TMEM132D: variants seen among roughly 807,000 people sequenced by gnomAD.
TMEM132D encodes the protein mature OL transmembrane protein.
TMEM132D carries 21 observed loss-of-function variants against 62.3 expected under a neutral mutation model. That is an observed-to-expected ratio of 0.34 (90% confidence interval 0.24 to 0.49). The LOEUF is 0.49. Among genes scored for constraint, TMEM132D ranks in the 20% least tolerant of loss-of-function variants. The pLI, the probability that TMEM132D is intolerant of heterozygous loss-of-function variation, is 0.99. For missense variants in TMEM132D, 1,346 were observed against 1,402.8 expected (o/e 0.96, Z 0.65); for synonymous variants, 621 against 575.6 (o/e 1.08, Z -1.13).
Position 129,345,087 on chromosome 12 carries a change from A to T in TMEM132D, c.1116-7270T>A, listed in dbSNP as rs192305635. ...TTGGGCAAACTGGCTTTGCTCATCC[A>T]CTATTGCCCAGAACCTGCTTGCTCT... On this transcript the variant is annotated intron_variant, in intron 3 of 8. Transcript: ENST00000422113. Among the ~76,000 whole-genome samples the T allele has an allele frequency of 3.3e-5, 5 of 152,276 alleles. No individual in the cohort carries two copies. The East Asian group carries it at 9.7e-4, about 29-fold the overall frequency.
chr12:129,663,885 C>A (rs1880307064), intron 2 of TMEM132D, among the ~76,000 whole-genome samples: 1 of 152,074 alleles, frequency 6.6e-6, no homozygotes, highest in Non-Finnish European at 1.5e-5. Context: ...TTTTACCTTT[C>A]TCTTTGCAAA....
At chr12:129,769,225 C>G (rs917477928) in intron 1 of TMEM132D, among the ~76,000 whole-genome samples, 1 of 152,108 alleles carries the variant, frequency 6.6e-6, no homozygotes, top group Admixed American at 6.5e-5. Flanking sequence ...CTGAGACTGG[C>G]TAATTTATAA....
At chr12:129,292,717 A>G (rs1030439180) in intron 4 of TMEM132D, among the ~76,000 whole-genome samples, 3 of 152,232 alleles carry the variant, frequency 2.0e-5, no homozygotes, top group African/African-American at 7.2e-5. Flanking sequence ...AATAGCACAT[A>G]ATTACCAATA....
intron 1 of TMEM132D, among the ~76,000 whole-genome samples, chr12:129,734,839 G>A (rs1869374811): frequency 6.6e-6 from 1 of 151,940 alleles, no homozygotes; most frequent in Admixed American, 6.6e-5. Flanking sequence ...TTAAATTTCT[G>A]AATTTAAACA....
At chr12:129,131,190 T>TAAGTATGTATGCAC (rs1876364855) in intron 5 of TMEM132D, among the ~76,000 whole-genome samples, 1 of 152,210 alleles carries the variant, frequency 6.6e-6, no homozygotes, top group South Asian at 2.1e-4. Flanking sequence ...TATGTATGCA[T>TAAGTATGTATGCAC]AAGTATGTAT....
chr12:129,368,581 T>G (rs931887309), intron 3 of TMEM132D, among the ~76,000 whole-genome samples: 6 of 152,116 alleles, frequency 3.9e-5, no homozygotes, highest in African/African-American at 1.4e-4. Context: ...CTGTTACTTA[T>G]TATTATTATT....
chr12:129,553,005 T>C (rs1027353056), intron 2 of TMEM132D, among the ~76,000 whole-genome samples: 1 of 152,170 alleles, frequency 6.6e-6, no homozygotes, highest in Non-Finnish European at 1.5e-5. Context: ...TCCGAGTCTC[T>C]GGGGACAAGA....
chr12:129,537,616 C>T (rs1393405943), intron 2 of TMEM132D, among the ~76,000 whole-genome samples: 1 of 152,114 alleles, frequency 6.6e-6, no homozygotes. Context: ...GAAGTAAGAC[C>T]TGTGACTTCA....
At chr12:129,219,852 C>T (rs1290203024) in intron 4 of TMEM132D, among the ~76,000 whole-genome samples, 3 of 152,118 alleles carry the variant, frequency 2.0e-5, no homozygotes, top group Non-Finnish European at 4.4e-5. Flanking sequence ...GATGAAGGCT[C>T]CACATCAGTA....
chr12:129,424,542 T>C (rs1016414810), intron 3 of TMEM132D, among the ~76,000 whole-genome samples: 2 of 151,744 alleles, frequency 1.3e-5, no homozygotes, highest in East Asian at 3.9e-4. Flanking sequence ...CTACTCTCTA[T>C]TAAAAATACA....
At chr12:129,526,799 C>T (rs1876057810) in intron 3 of TMEM132D, among the ~76,000 whole-genome samples, 1 of 152,150 alleles carries the variant, frequency 6.6e-6, no homozygotes, top group Non-Finnish European at 1.5e-5. Flanking sequence ...TTTTCTTTTG[C>T]CTGCAATGCT....
chr12:129,737,588 G>A (rs984901848), intron 1 of TMEM132D, among the ~76,000 whole-genome samples: 1 of 151,874 alleles, frequency 6.6e-6, no homozygotes, highest in East Asian at 1.9e-4. Flanking sequence ...CCACAACTGT[G>A]TCCACTGCCA....
chr12:129,605,604 T>TATATATATATATATATATATATAC (rs150550863), intron 2 of TMEM132D, among the ~76,000 whole-genome samples: 21 of 106,274 alleles, frequency 2.0e-4, no homozygotes, highest in African/African-American at 5.4e-4. Flanking sequence ...TATATATATA[T>TATATATATATATATATATATATAC]ACACACACAT....
intron 3 of TMEM132D, among the ~76,000 whole-genome samples, chr12:129,476,500 C>A (rs994855355): frequency 1.3e-5 from 2 of 152,148 alleles, no homozygotes; most frequent in Non-Finnish European, 2.9e-5. Flanking sequence ...GAATTGCTTG[C>A]GTGTGCCGAG....
At chr12:129,230,932 G>A (rs1011765717) in intron 4 of TMEM132D, among the ~76,000 whole-genome samples, 8 of 152,184 alleles carry the variant, frequency 5.3e-5, no homozygotes, top group African/African-American at 9.7e-5. Flanking sequence ...CTGCAAACCT[G>A]CCAGCCACTT....
chr12:129,759,976 G>C (rs1339525922), intron 1 of TMEM132D, among the ~76,000 whole-genome samples: 1 of 151,956 alleles, frequency 6.6e-6, no homozygotes, highest in Non-Finnish European at 1.5e-5. Flanking sequence ...TGCAATCATA[G>C]CTCACTGCAG....
chr12:129,199,233 C>T (rs1593293567), intron 5 of TMEM132D, among the ~76,000 whole-genome samples: 1 of 150,610 alleles, frequency 6.6e-6, no homozygotes, highest in East Asian at 2.0e-4. Context: ...CATCAGTGTC[C>T]TTAATAGCTA....
intron 1 of TMEM132D, among the ~76,000 whole-genome samples, chr12:129,705,179 G>T (rs1881474773): frequency 6.6e-6 from 1 of 152,170 alleles, no homozygotes; most frequent in South Asian, 2.1e-4. Context: ...TCAGATGATG[G>T]AGCTCCTAAT....
At chr12:129,299,440 C>T (rs1250087325) in intron 4 of TMEM132D, among the ~76,000 whole-genome samples, 1 of 99,386 alleles carries the variant, frequency 1.0e-5, no homozygotes, top group African/African-American at 3.7e-5. Flanking sequence ...TTTTTTTTTG[C>T]CAATTGCAAG....
Sources: allele counts gnomAD v4.1 joint callset (sites outside exome capture counted in the v4.1 genomes callset), GRCh38; gene constraint gnomAD v4.1.1; transcripts MANE v1.5; gene names NCBI Gene and HGNC (gene_info 2026-07-23, HGNC 2026-07-21).